The following DGKH variants were observed in gnomAD, a reference collection of about 807,000 sequenced individuals.
DGKH encodes the protein diacylglycerol kinase eta, also known as DAG kinase eta.
DGKH carries 90 observed loss-of-function variants against 159.3 expected under a neutral mutation model. The ratio of observed to expected loss-of-function variants is 0.57; its 90% CI spans 0.48 to 0.67. The LOEUF (loss-of-function observed/expected upper bound fraction) is 0.67, where lower values mean the gene tolerates loss of function less well. Ranked by LOEUF, DGKH falls within the 30% of genes least tolerant of loss-of-function variation. The pLI is 0.00. For synonymous variants in DGKH, 536 were observed against 553.8 expected (o/e 0.97, Z 0.45); for missense variants, 1,181 against 1,506.1 (o/e 0.78, Z 3.57).
At chr13:42,180,536 G>A (rs1226426587) in intron 13 of DGKH, among the ~76,000 whole-genome samples, 1 of 152,196 alleles carries the variant, frequency 6.6e-6, no homozygotes, top group Non-Finnish European at 1.5e-5. Context: ...TTAAATTATG[G>A]TAGCATCACC....
intron 30 of DGKH, chr13:42,256,028 C>T (rs868582627): frequency 9.2e-6 from 14 of 1,522,482 alleles, no homozygotes; most frequent in South Asian, 1.1e-5. Flanking sequence ...AAATAATATT[C>T]GTTTTCTGGG....
intron 27 of DGKH, 25 bp from the exon 28 acceptor site, chr13:42,219,661 T>A: frequency 6.3e-7 from 1 of 1,596,906 alleles, no homozygotes; most frequent in Non-Finnish European, 8.5e-7. Flanking sequence ...CCTGAAAAAA[T>A]TATTTTCTTG....
At chr13:42,100,292 C>G (rs1954628501) in intron 1 of DGKH, among the ~76,000 whole-genome samples, 1 of 152,196 alleles carries the variant, frequency 6.6e-6, no homozygotes, top group African/African-American at 2.4e-5. Context: ...CCATCAGCCC[C>G]AGATGGGACT....
At position 42,231,414 on chromosome 13, in the gene DGKH, C is replaced by A. The variant is rs1046412095; in HGVS notation, c.*2226C>A. 1 of 152,092 alleles carries A rather than the reference C, an allele frequency of 6.6e-6. No individual in the cohort carries two copies. Among genetic ancestry groups the A allele is most frequent in the Non-Finnish European group, 1.5e-5 (1 of 68,024 alleles). 9.4% of individuals were successfully genotyped at this position (152,092 alleles called of 1,614,324 possible). A position where few individuals can be genotyped will look rare whatever the true frequency, so the allele number is the denominator to read the frequency against. On this transcript the variant is annotated 3_prime_UTR_variant, in exon 30 of 30. Coordinates refer to ENST00000337343, the MANE Select transcript of DGKH (RefSeq NM_178009.5). The stretch of plus-strand genomic sequence containing the variant: ...ATTATTCTAATTGTATCTGCACTTA[C>A]GAAGTCAGAGGTCTCCTTTTTCAGT...
chr13:42,136,013 C>T (rs1955396036), intron 3 of DGKH, among the ~76,000 whole-genome samples: 1 of 152,230 alleles, frequency 6.6e-6, no homozygotes, highest in African/African-American at 2.4e-5. Flanking sequence ...GACTTGGCTA[C>T]ATCCAGTTAT....
intron 1 of DGKH, among the ~76,000 whole-genome samples, chr13:42,062,103 C>T (rs1882224666): frequency 6.6e-6 from 1 of 151,920 alleles, no homozygotes; most frequent in Non-Finnish European, 1.5e-5. Flanking sequence ...GCTATGTATG[C>T]AGATATCTGG....
intron 1 of DGKH, among the ~76,000 whole-genome samples, chr13:42,089,150 A>C (rs140230821): frequency 0.011 from 1,646 of 152,326 alleles, 28 homozygotes; most frequent in African/African-American, 0.038. Context: ...AGAAATGGAC[A>C]AATTCCCAAT....
chr13:42,225,242 G>T (rs755507949), intron 29 of DGKH: 3 of 1,563,564 alleles, frequency 1.9e-6, no homozygotes, highest in Non-Finnish European at 2.6e-6. Context: ...TTTCCAATGT[G>T]CTTTAGCAGA....
At chr13:42,161,975 C>G (rs1272125882) in intron 7 of DGKH, among the ~76,000 whole-genome samples, 2 of 152,052 alleles carry the variant, frequency 1.3e-5, no homozygotes, top group African/African-American at 4.8e-5. Context: ...TCTATTCACC[C>G]CTAACTTTTA....
At chr13:42,088,657 T>C (rs181616331) in intron 1 of DGKH, among the ~76,000 whole-genome samples, 3 of 152,166 alleles carry the variant, frequency 2.0e-5, no homozygotes, top group Admixed American at 2.0e-4. Context: ...GCCAAAAATG[T>C]TGATAAATTG....
chr13:42,109,030 A>G (rs1954812790), intron 1 of DGKH, among the ~76,000 whole-genome samples: 1 of 152,244 alleles, frequency 6.6e-6, no homozygotes, highest in South Asian at 2.1e-4. Flanking sequence ...ACGATTAGAG[A>G]TGAAAGACAG....
intron 1 of DGKH, among the ~76,000 whole-genome samples, chr13:42,098,605 A>G (rs1332502753): frequency 6.6e-6 from 1 of 152,214 alleles, no homozygotes; most frequent in Non-Finnish European, 1.5e-5. Flanking sequence ...ATTCTTAAGT[A>G]TATGATTCTT....
intron 1 of DGKH, chr13:42,070,221 C>T: frequency 9.4e-7 from 1 of 1,068,728 alleles, no homozygotes; most frequent in East Asian, 2.4e-5. Context: ...CCAGGAAATT[C>T]AGTGCTTCGC....
chr13:42,183,260 A>G (rs150406865), intron 13 of DGKH, among the ~76,000 whole-genome samples: 2 of 151,932 alleles, frequency 1.3e-5, no homozygotes, highest in Non-Finnish European at 2.9e-5. Flanking sequence ...TTGCACTCCA[A>G]TCTGGATGAC....
chr13:42,222,816 ATG>A (rs1260226835), intron 29 of DGKH, among the ~76,000 whole-genome samples: 1 of 152,202 alleles, frequency 6.6e-6, no homozygotes, highest in Non-Finnish European at 1.5e-5. Context: ...AAATGCATAT[ATG>A]TGTACGTGTT....
Position 42,229,288 on chromosome 13 carries a change from A to G in DGKH, c.*100A>G. 2.0e-6 allele frequency: 2 copies of G among 1,016,098 alleles called. No individual in the cohort carries two copies. The highest frequency in any genetic ancestry group is 2.9e-6 in the Non-Finnish European group (2 of 687,232). The allele number at this position is 1,016,098 out of a possible 1,614,324, so 62.9% of individuals were successfully genotyped here. On this transcript the variant is annotated 3_prime_UTR_variant, in exon 30 of 30. Transcript: ENST00000337343. ...TTGTAGTTTTCTGCATAGATAAGTAAGCACCACTGAAGCACCTCTGTGGCT... is the reference window on the plus strand; with the variant it reads ...TTGTAGTTTTCTGCATAGATAAGTAGGCACCACTGAAGCACCTCTGTGGCT...
In DGKH at chr13:42,237,351, G is replaced by T. The variant is rs181423245; in HGVS notation, c.*8163G>T. The T allele has an allele frequency of 2.0e-5, 3 of 152,244 alleles. No individual in the cohort carries two copies. The highest frequency in any genetic ancestry group is 2.0e-4 in the Admixed American group (3 of 15,288). 9.4% of individuals were successfully genotyped at this position (152,244 alleles called of 1,614,324 possible). A position where few individuals can be genotyped will look rare whatever the true frequency, so the allele number is the denominator to read the frequency against. ...AATTTACTATAATTTTAAAGGCAAAGAGTTTTATATTAATTTTACTGTTGC... is the reference window on the plus strand; with the variant it reads ...AATTTACTATAATTTTAAAGGCAAATAGTTTTATATTAATTTTACTGTTGC... On this transcript the variant is annotated 3_prime_UTR_variant, in exon 30 of 30. Coordinates refer to ENST00000337343, the MANE Select transcript of DGKH (RefSeq NM_178009.5).
At chr13:42,074,149 T>C (rs1342501199) in intron 1 of DGKH, among the ~76,000 whole-genome samples, 1 of 152,234 alleles carries the variant, frequency 6.6e-6, no homozygotes, top group Non-Finnish European at 1.5e-5. Context: ...AGGTACATAG[T>C]GGAAAACTCA....
intron 1 of DGKH, among the ~76,000 whole-genome samples, chr13:42,114,651 G>A (rs576402215): frequency 5.9e-5 from 9 of 152,152 alleles, no homozygotes; most frequent in East Asian, 5.8e-4. Flanking sequence ...AGATAAGATC[G>A]GTGTTCTAAG....
Sources: allele counts gnomAD v4.1 joint callset (sites outside exome capture counted in the v4.1 genomes callset), GRCh38; gene constraint gnomAD v4.1.1; transcripts MANE v1.5; gene names NCBI Gene and HGNC (gene_info 2026-07-23, HGNC 2026-07-21).